Variants in KHDRBS2 observed in about 807,000 individuals in gnomAD.
The protein encoded by KHDRBS2 is KH RNA binding domain containing, signal transduction associated 2.
In KHDRBS2, 26 loss-of-function variants were observed where a neutral mutation model predicts 44.3. The ratio of observed to expected loss-of-function variants is 0.59; its 90% CI spans 0.43 to 0.81. The LOEUF (loss-of-function observed/expected upper bound fraction) is 0.81. Among genes scored for constraint, KHDRBS2 ranks in the 40% least tolerant of loss-of-function variants. The probability of loss-of-function intolerance (pLI) is 0.00; values close to 1 mark genes in which losing one functional copy is unlikely to be tolerated. For synonymous variants in KHDRBS2, 194 were observed against 151.1 expected, an observed-to-expected ratio of 1.28 and a Z score of -2.08; for missense variants, 476 against 433.1, an observed-to-expected ratio of 1.10 and a Z score of -0.88.
At chr6:62,021,537 T>G (rs1363103126) in intron 3 of KHDRBS2, among the ~76,000 whole-genome samples, 1 of 151,842 alleles carries the variant, frequency 6.6e-6, no homozygotes, top group Non-Finnish European at 1.5e-5. Context: ...TTTACATATA[T>G]AAGTTCTTTT....
chr6:62,235,683 C>G (rs1383988740), intron 1 of KHDRBS2, among the ~76,000 whole-genome samples: 1 of 151,958 alleles, frequency 6.6e-6, no homozygotes, highest in African/African-American at 2.4e-5. Context: ...AATAGAAAAA[C>G]ATTCTGAGTC....
At chr6:62,004,049 CAGGA>C (rs1778757967) in intron 3 of KHDRBS2, among the ~76,000 whole-genome samples, 1 of 152,094 alleles carries the variant, frequency 6.6e-6, no homozygotes, top group Non-Finnish European at 1.5e-5. Context: ...CAAGGTAAAG[CAGGA>C]AAGATCTAAA....
At chr6:61,932,842 G>A (rs1326881626) in intron 4 of KHDRBS2, among the ~76,000 whole-genome samples, 1 of 152,084 alleles carries the variant, frequency 6.6e-6, no homozygotes, top group East Asian at 1.9e-4. Flanking sequence ...TTGTATTTCT[G>A]TACTTGGCTT....
intron 6 of KHDRBS2, among the ~76,000 whole-genome samples, chr6:61,847,238 C>G (rs1794550873): frequency 6.6e-6 from 1 of 152,162 alleles, no homozygotes; most frequent in Non-Finnish European, 1.5e-5. Flanking sequence ...AGATTTCTTT[C>G]TTCTCCATTT....
At chr6:62,158,206 A>G (rs1816869871) in intron 2 of KHDRBS2, among the ~76,000 whole-genome samples, 1 of 152,204 alleles carries the variant, frequency 6.6e-6, no homozygotes, top group South Asian at 2.1e-4. Flanking sequence ...TTACACACAC[A>G]TAGAATCTGG....
At chr6:62,234,405 A>C (rs1474854417) in intron 1 of KHDRBS2, among the ~76,000 whole-genome samples, 3 of 152,128 alleles carry the variant, frequency 2.0e-5, no homozygotes, top group African/African-American at 7.2e-5. Context: ...AATTTATTCA[A>C]TCAGTCGGAA....
chr6:62,191,552 C>T (rs1260148643), intron 1 of KHDRBS2, among the ~76,000 whole-genome samples: 5 of 152,102 alleles, frequency 3.3e-5, no homozygotes, highest in Non-Finnish European at 2.9e-5. Context: ...AAGCCAAGGA[C>T]CATATCACAT....
chr6:61,726,671 C>T (rs1340440691), intron 7 of KHDRBS2, among the ~76,000 whole-genome samples: 3 of 151,784 alleles, frequency 2.0e-5, no homozygotes, highest in African/African-American at 7.3e-5. Context: ...TCCCATTGAT[C>T]ACTGCCACAA....
chr6:61,836,705 A>G (rs1792740937), intron 6 of KHDRBS2, among the ~76,000 whole-genome samples: 1 of 152,046 alleles, frequency 6.6e-6, no homozygotes, highest in African/African-American at 2.4e-5. Context: ...TCAATTGGCT[A>G]AAAGTAATAA....
chr6:61,989,033 T>A (rs1483004786), intron 3 of KHDRBS2, among the ~76,000 whole-genome samples: 3 of 152,212 alleles, frequency 2.0e-5, no homozygotes, highest in African/African-American at 7.2e-5. Context: ...TGATTTACCA[T>A]GTACAGACAA....
the KHDRBS2 span, among the ~76,000 whole-genome samples, chr6:61,591,575 T>A: frequency 6.6e-6 from 1 of 152,044 alleles, no homozygotes; most frequent in Non-Finnish European, 1.5e-5. Context: ...CTCTAGTAAC[T>A]CCCTCTTTTC....
At chr6:61,801,199 AT>A (rs951824388) in intron 6 of KHDRBS2, among the ~76,000 whole-genome samples, 35 of 151,620 alleles carry the variant, frequency 2.3e-4, no homozygotes, top group Admixed American at 5.3e-4. Context: ...ATTTCCACTG[AT>A]TTTTTTTTAT....
At chr6:61,667,762 T>G in the KHDRBS2 span, among the ~76,000 whole-genome samples, 1 of 151,316 alleles carries the variant, frequency 6.6e-6, no homozygotes, top group Non-Finnish European at 1.5e-5. Context: ...TGAACCTACT[T>G]CATTTAGTCA....
chr6:61,851,618 C>A (rs1795431531), intron 6 of KHDRBS2, among the ~76,000 whole-genome samples: 1 of 151,990 alleles, frequency 6.6e-6, no homozygotes, highest in Non-Finnish European at 1.5e-5. Flanking sequence ...AGCTACAAGT[C>A]AAAGAAAAAG....
intron 2 of KHDRBS2, among the ~76,000 whole-genome samples, chr6:62,167,081 A>T (rs1818857561): frequency 1.3e-5 from 2 of 152,054 alleles, no homozygotes; most frequent in South Asian, 4.1e-4. Flanking sequence ...TCAGTTTTCC[A>T]GTTGAGGGTA....
intron 8 of KHDRBS2, among the ~76,000 whole-genome samples, chr6:61,690,552 A>T (rs1379732091): frequency 6.6e-6 from 1 of 152,034 alleles, no homozygotes; most frequent in Non-Finnish European, 1.5e-5. Context: ...TGTTGGGTAA[A>T]TTTTTTAAAA....
At chr6:61,799,230 GCTACA>G (rs1310933847) in intron 6 of KHDRBS2, among the ~76,000 whole-genome samples, 2 of 151,974 alleles carry the variant, frequency 1.3e-5, no homozygotes, top group Non-Finnish European at 2.9e-5. Flanking sequence ...AGAGATATAA[GCTACA>G]TAAGCGCCTT....
At chr6:61,606,372 GT>G in the KHDRBS2 span, among the ~76,000 whole-genome samples, 2 of 152,164 alleles carry the variant, frequency 1.3e-5, no homozygotes, top group African/African-American at 4.8e-5. Context: ...CTTGCTCACA[GT>G]GCCAAAAATG....
At chr6:62,283,494 TA>T (rs1403941895) in intron 1 of KHDRBS2, among the ~76,000 whole-genome samples, 1 of 152,140 alleles carries the variant, frequency 6.6e-6, no homozygotes, top group Non-Finnish European at 1.5e-5. Flanking sequence ...GAATCATCTG[TA>T]TCATTTTTAC....
Sources: gnomAD v4.1 joint callset for allele counts (sites outside exome capture counted in the v4.1 genomes callset) on GRCh38, gnomAD v4.1.1 for gene constraint, MANE v1.5 for transcripts, NCBI Gene and HGNC (gene_info 2026-07-23, HGNC 2026-07-21) for gene names.